LOXL3: variants seen among roughly 807,000 people sequenced by gnomAD.
LOXL3 encodes lysyl oxidase like 3.
LOXL3 carries 60 observed loss-of-function variants against 91.8 expected under a neutral mutation model. The observed-to-expected ratio is 0.65, with a 90% CI of 0.53 to 0.81. The LOEUF (loss-of-function observed/expected upper bound fraction) is 0.81, where lower values mean the gene tolerates loss of function less well. Among genes scored for constraint, LOXL3 ranks in the 30% least tolerant of loss-of-function variants. LOXL3 has a pLI of 0.00. For missense variants in LOXL3, 874 were observed against 1,000.4 expected, an observed-to-expected ratio of 0.87 and a Z score of 1.70; for synonymous variants, 355 against 387.6, an observed-to-expected ratio of 0.92 and a Z score of 0.99.
upstream of LOXL3, chr2:74,555,636 T>C (rs373572548): frequency 9.3e-6 from 15 of 1,614,020 alleles, no homozygotes; most frequent in African/African-American, 2.0e-4. This position sits in a 1 kb window ranked among gnomAD's most constrained non-coding sequence, Gnocchi z 6.1. Flanking sequence ...CTGGAGATGC[T>C]GGAGAACTCC....
In LOXL3 at chr2:74,549,416, C is replaced by G. The variant is rs1676845084; in HGVS notation, c.645G>C (p.Gly215=). Residue 215 remains glycine, a synonymous_variant, in exon 4 of 14, where the codon GGG becomes GGC. Transcript: ENST00000264094. This position sits in a 1 kb window ranked among gnomAD's most constrained non-coding sequence, Gnocchi z 5.3. ...TCTTTTCGCTGGGGAAGCCCAGCAT[C>G]CCGCAGACCACGTGGCTGTTGTGGG... ...WSAHNSHVVC[G]MLGFPSEKRV... 1.2e-6 allele frequency: 2 copies of G among 1,612,566 alleles called. No individual in the cohort carries two copies. The highest frequency in any genetic ancestry group is 1.7e-6 in the Non-Finnish European group (2 of 1,179,304).
chr2:74,535,263 T>C lies in LOXL3; in HGVS notation c.1579+29A>G, dbSNP rs770213035. 5.0e-6 allele frequency: 8 copies of C among 1,593,448 alleles called. No homozygotes were observed. In the African/African-American group the frequency reaches 9.4e-5, roughly 19 times the overall value. On this transcript the variant is annotated intron_variant, in intron 9 of 13. Transcript: ENST00000264094. The surrounding 1 kb of genome is among the most constrained non-coding windows in gnomAD (Gnocchi z 4.2). ...CGGGTGGCCCAGACACTCCCTTCCCTGGCATGCATCACCCCCTCCTTCACT... is the reference window on the plus strand; with the variant it reads ...CGGGTGGCCCAGACACTCCCTTCCCCGGCATGCATCACCCCCTCCTTCACT...
intron 1 of LOXL3, among the ~76,000 whole-genome samples, chr2:74,553,391 A>T (rs974368846): frequency 1.3e-5 from 2 of 152,194 alleles, no homozygotes; most frequent in African/African-American, 4.8e-5. Context: ...CAAGAGGCCC[A>T]GGAGGGCCAG....
In LOXL3 at chr2:74,552,548, A is replaced by C. The variant is rs141478697; in HGVS notation, c.87T>G (p.Pro29=). Residue 29 remains proline, a synonymous_variant, in exon 2 of 14, where the codon CCT becomes CCG. Coordinates refer to ENST00000264094, the MANE Select transcript of LOXL3 (RefSeq NM_032603.5). ...CGGCCTTCTTCTCAGGGCCCGTGGA[A>C]GGGGACGGAGACCCCAAGCACGAAC... ...LCSSCLGSPS[P]STGPEKKAGS... 3.5e-4 allele frequency: 565 copies of C among 1,612,318 alleles called. 1 individual carries two copies. The African/African-American group carries it at 6.8e-3, about 19-fold the overall frequency.
intron 4 of LOXL3, among the ~76,000 whole-genome samples, chr2:74,542,352 T>C (rs1225307394): frequency 6.6e-6 from 1 of 152,156 alleles, no homozygotes; most frequent in Non-Finnish European, 1.5e-5. Context: ...AACAAAAACC[T>C]GTCTACATTT....
At chr2:74,555,609 C>T, upstream of LOXL3, 1 of 1,614,200 alleles carries the variant, frequency 6.2e-7, no homozygotes, top group Non-Finnish European at 8.5e-7. This position sits in a 1 kb window ranked among gnomAD's most constrained non-coding sequence, Gnocchi z 6.1. Flanking sequence ...ACCGATAACC[C>T]ACCTAAGCTT....
At chr2:74,543,606 G>A (rs552727870) in intron 4 of LOXL3, among the ~76,000 whole-genome samples, 7 of 152,076 alleles carry the variant, frequency 4.6e-5, no homozygotes, top group African/African-American at 9.6e-5. Context: ...AAGGCGGGGC[G>A]TGGTGGCTCA....
Position 74,549,514 on chromosome 2 carries a change from G to A in LOXL3, c.547C>T (p.Pro183Ser). The change falls in exon 4 of 14, where the codon CCC becomes TCC. Residue 183 changes from proline (P) to serine (S), a missense_variant. Pro to Ser is a moderately conservative substitution (Grantham distance 74). Coordinates refer to ENST00000264094, the MANE Select transcript of LOXL3 (RefSeq NM_032603.5). The surrounding 1 kb of genome is among the most constrained non-coding windows in gnomAD (Gnocchi z 5.3). ...ACTTCCACCAGCCCCTCCGTCACGG[G>A]CAGGGGTCGTCTGCCCCACCCAACG... ...PAVGWGRRPLPVTEGLVEVRL... is the reference protein window; with the variant it reads ...PAVGWGRRPLSVTEGLVEVRL... 1.2e-6 allele frequency: 2 copies of A among 1,613,628 alleles called. No individual in the cohort carries two copies. The highest frequency in any genetic ancestry group is 8.5e-7 in the Non-Finnish European group (1 of 1,179,794).
At chr2:74,543,706 C>A (rs970257409) in intron 4 of LOXL3, among the ~76,000 whole-genome samples, 2 of 151,628 alleles carry the variant, frequency 1.3e-5, no homozygotes, top group Admixed American at 1.3e-4. Flanking sequence ...GCCTGGGCAA[C>A]ATGGAGAAAC....
At chr2:74,554,406 T>G, upstream of LOXL3, 1 of 282,560 alleles carries the variant, frequency 3.5e-6, no homozygotes, top group African/African-American at 2.3e-5. The surrounding 1 kb of genome is among the most constrained non-coding windows in gnomAD (Gnocchi z 4.9). Context: ...CCGGGGCGCT[T>G]TCGGGGTGAT....
At chr2:74,554,760 C>A (rs868513708), upstream of LOXL3, 1 of 1,613,656 alleles carries the variant, frequency 6.2e-7, no homozygotes, top group Admixed American at 1.7e-5. The surrounding 1 kb of genome is among the most constrained non-coding windows in gnomAD (Gnocchi z 4.9). Flanking sequence ...GGGCCATGGA[C>A]GGAGCAGTGA....
chr2:74,540,415 G>A (rs1483794077), intron 4 of LOXL3, among the ~76,000 whole-genome samples: 4 of 152,192 alleles, frequency 2.6e-5, no homozygotes, highest in Non-Finnish European at 4.4e-5. Context: ...GGAGGCTACT[G>A]TGTCTTTTTT....
In LOXL3 at chr2:74,536,124, C is replaced by A. The variant is rs148743316; in HGVS notation, c.1120G>T (p.Val374Phe). 4 of 1,613,952 alleles carry A rather than the reference C, an allele frequency of 2.5e-6. No individual in the cohort carries two copies. Among genetic ancestry groups the A allele is most frequent in the Non-Finnish European group, 3.4e-6 (4 of 1,180,026 alleles). ...GAGAGCTCCTGTCCAGAGCAGCGAACTTCACTCAGGTGGATAGCACCCATG... is the reference window on the plus strand; with the variant it reads ...GAGAGCTCCTGTCCAGAGCAGCGAAATTCACTCAGGTGGATAGCACCCATG... ...QGMGAIHLSE[V>F]RCSGQELSLW... Residue 374 changes from valine to phenylalanine, a missense_variant, in exon 7 of 14, where the codon GTT (valine) becomes TTT (phenylalanine). Transcript: ENST00000264094. This position sits in a 1 kb window ranked among gnomAD's most constrained non-coding sequence, Gnocchi z 4.5.
In LOXL3 at chr2:74,549,525, C is replaced by A. The variant is rs1470620333; in HGVS notation, c.536G>T (p.Arg179Ile). 4 of 1,613,090 alleles carry A rather than the reference C, an allele frequency of 2.5e-6. No homozygotes were observed. Among genetic ancestry groups the A allele is most frequent in the Non-Finnish European group, 3.4e-6 (4 of 1,179,440 alleles). Reference sequence around the variant, plus strand: ...CCCCTCCGTCACGGGCAGGGGTCGTCTGCCCCACCCAACGGCGGGTCGAAT... The same window carrying A: ...CCCCTCCGTCACGGGCAGGGGTCGTATGCCCCACCCAACGGCGGGTCGAAT... Reference protein sequence around the residue: ...VRIRPAVGWGRRPLPVTEGLV... With the variant: ...VRIRPAVGWGIRPLPVTEGLV... Residue 179 changes from arginine (R) to isoleucine (I), a missense_variant, in exon 4 of 14, where the codon AGA becomes ATA. Coordinates refer to ENST00000264094, the MANE Select transcript of LOXL3 (RefSeq NM_032603.5). The surrounding 1 kb of genome is among the most constrained non-coding windows in gnomAD (Gnocchi z 5.3).
At chr2:74,554,794 A>C (rs773465066), upstream of LOXL3, 1 of 1,614,094 alleles carries the variant, frequency 6.2e-7, no homozygotes, top group Admixed American at 1.7e-5. This position sits in a 1 kb window ranked among gnomAD's most constrained non-coding sequence, Gnocchi z 4.9. Context: ...TTTTTTGCAG[A>C]GTCAGCGCTT....
chr2:74,537,475 C>G (rs1303392305), intron 4 of LOXL3, among the ~76,000 whole-genome samples: 1 of 152,162 alleles, frequency 6.6e-6, no homozygotes, highest in Non-Finnish European at 1.5e-5. Context: ...TTAGGAGGGG[C>G]AGATGCAGCA....
chr2:74,533,711 C>T (rs769151329), intron 13 of LOXL3, 32 bp from the exon 14 acceptor site: 5 of 1,603,656 alleles, frequency 3.1e-6, no homozygotes, highest in Admixed American at 3.3e-5. Flanking sequence ...TGGGAGGCGC[C>T]CTGCACAGAG....
Position 74,549,588 on chromosome 2 carries a change from G to T in LOXL3, c.478-5C>A, listed in dbSNP as rs754925598. 6.9e-6 allele frequency: 11 copies of T among 1,600,208 alleles called. No individual in the cohort carries two copies. Among genetic ancestry groups the T allele is most frequent in the Admixed American group, 3.4e-5 (2 of 59,290 alleles). On this transcript the variant is annotated splice_region_variant and splice_polypyrimidine_tract_variant and intron_variant, in intron 3 of 13. Transcript: ENST00000264094. This position sits in a 1 kb window ranked among gnomAD's most constrained non-coding sequence, Gnocchi z 5.3. ...CACTTGCAGGTGATGCTCTACCTGG[G>T]GGCGGGGCCACAAGCAGGGAAAGAA...
At chr2:74,555,472 G>A, upstream of LOXL3, 3 of 1,607,954 alleles carry the variant, frequency 1.9e-6, no homozygotes, top group African/African-American at 2.7e-5. This position sits in a 1 kb window ranked among gnomAD's most constrained non-coding sequence, Gnocchi z 6.1. Flanking sequence ...CTGCGGCGAT[G>A]CGGGGTGGGG....
Sources: allele counts gnomAD v4.1 joint callset (sites outside exome capture counted in the v4.1 genomes callset), GRCh38; gene constraint gnomAD v4.1.1; non-coding constraint Gnocchi (gnomAD v3.1); transcripts MANE v1.5; gene names NCBI Gene and HGNC (gene_info 2026-07-23, HGNC 2026-07-21).